The following PLEKHA7 variants were observed in gnomAD, a reference collection of about 807,000 sequenced individuals.
The protein encoded by PLEKHA7 is pleckstrin homology domain-containing family A member 7.
A neutral mutation model predicts 170.0 loss-of-function variants in PLEKHA7; 104 were observed. The observed-to-expected ratio is 0.61, with a 90% CI of 0.52 to 0.72. The LOEUF (loss-of-function observed/expected upper bound fraction) is 0.72, where lower values mean the gene tolerates loss of function less well. Among genes scored for constraint, PLEKHA7 ranks in the 30% least tolerant of loss-of-function variants. PLEKHA7 has a pLI of 0.00. For synonymous variants in PLEKHA7, 648 were observed against 660.8 expected (o/e 0.98, Z 0.30); for missense variants, 1,615 against 1,671.7 (o/e 0.97, Z 0.59).
intron 9 of PLEKHA7, among the ~76,000 whole-genome samples, chr11:16,832,190 T>C (rs1851172346): frequency 6.6e-6 from 1 of 152,212 alleles, no homozygotes; most frequent in Non-Finnish European, 1.5e-5. Context: ...ATCACAGTGC[T>C]ACTGTACCAA....
At chr11:17,004,271 C>G (rs1244881503) in intron 3 of PLEKHA7, among the ~76,000 whole-genome samples, 1 of 152,186 alleles carries the variant, frequency 6.6e-6, no homozygotes, top group Non-Finnish European at 1.5e-5. Context: ...TCTGTTCTGC[C>G]ATTAGACCTA....
chr11:16,854,672 A>G (rs1169346461), intron 6 of PLEKHA7, among the ~76,000 whole-genome samples: 1 of 152,204 alleles, frequency 6.6e-6, no homozygotes, highest in African/African-American at 2.4e-5. Flanking sequence ...AAAGTGGTCA[A>G]GTGGGTTTTG....
At chr11:16,801,206 GGAGA>G (rs1172136314) in intron 16 of PLEKHA7, 131 bp from the exon 17 acceptor site, 6 of 770,178 alleles carry the variant, frequency 7.8e-6, no homozygotes, top group African/African-American at 3.4e-5. Flanking sequence ...AGGCCTGGTG[GGAGA>G]GAGAGAGGAG....
At chr11:16,898,319 T>C (rs1176275868) in intron 3 of PLEKHA7, among the ~76,000 whole-genome samples, 2 of 152,178 alleles carry the variant, frequency 1.3e-5, no homozygotes, top group East Asian at 3.8e-4. Flanking sequence ...TTTCTTTCAG[T>C]CATAAAATTC....
At chr11:16,936,982 C>A (rs1178995051) in intron 3 of PLEKHA7, among the ~76,000 whole-genome samples, 1 of 152,222 alleles carries the variant, frequency 6.6e-6, no homozygotes, top group Non-Finnish European at 1.5e-5. Flanking sequence ...CTGTTTCCCT[C>A]CCCCTGAGCC....
intron 3 of PLEKHA7, among the ~76,000 whole-genome samples, chr11:16,943,328 G>C (rs529236992): frequency 9.2e-5 from 14 of 151,700 alleles, no homozygotes; most frequent in African/African-American, 3.4e-4. Flanking sequence ...TCTTAACCCA[G>C]ACTAGCTGAA....
At chr11:16,904,983 T>C (rs560023228) in intron 3 of PLEKHA7, among the ~76,000 whole-genome samples, 57 of 152,324 alleles carry the variant, frequency 3.7e-4, no homozygotes, top group East Asian at 9.7e-4. Context: ...CTGGACACAG[T>C]GACTCACGCC....
At chr11:16,842,092 A>G (rs930435094) in intron 8 of PLEKHA7, among the ~76,000 whole-genome samples, 2 of 152,234 alleles carry the variant, frequency 1.3e-5, no homozygotes, top group African/African-American at 4.8e-5. Flanking sequence ...GAAGCCTGTG[A>G]TTCCTGCTTT....
At chr11:16,780,755 G>C (rs186075449) in intron 26 of PLEKHA7, among the ~76,000 whole-genome samples, 15 of 152,286 alleles carry the variant, frequency 9.8e-5, no homozygotes, top group African/African-American at 3.6e-4. Flanking sequence ...TGAGGATTGA[G>C]TTCCTAAAAA....
intron 6 of PLEKHA7, among the ~76,000 whole-genome samples, chr11:16,853,675 CG>C (rs1853175673): frequency 6.6e-6 from 1 of 152,060 alleles, no homozygotes; most frequent in South Asian, 2.1e-4. Flanking sequence ...GGGATGCAAA[CG>C]GAAGAAGTCA....
intron 3 of PLEKHA7, among the ~76,000 whole-genome samples, chr11:16,891,731 A>C (rs752296009): frequency 2.2e-4 from 33 of 152,296 alleles, no homozygotes; most frequent in Non-Finnish European, 4.0e-4. Context: ...TTATGTGTTC[A>C]CTTCTAGGAA....
chr11:16,905,222 A>G (rs1233192847), intron 3 of PLEKHA7, among the ~76,000 whole-genome samples: 1 of 152,210 alleles, frequency 6.6e-6, no homozygotes, highest in Non-Finnish European at 1.5e-5. Context: ...ACTGCACTCC[A>G]ACCTGGGTGT....
intron 3 of PLEKHA7, among the ~76,000 whole-genome samples, chr11:16,946,793 C>T (rs549644190): frequency 9.0e-4 from 137 of 152,192 alleles, no homozygotes; most frequent in African/African-American, 3.2e-3. Flanking sequence ...CCAGCAACAC[C>T]CCCTCCCCCA....
intron 3 of PLEKHA7, among the ~76,000 whole-genome samples, chr11:16,938,586 T>C (rs552898116): frequency 9.9e-5 from 15 of 152,272 alleles, no homozygotes; most frequent in African/African-American, 3.6e-4. Flanking sequence ...AGGCATGATA[T>C]ATACATAAAA....
At chr11:16,820,307 A>G (rs1850106268) in intron 10 of PLEKHA7, among the ~76,000 whole-genome samples, 1 of 152,228 alleles carries the variant, frequency 6.6e-6, no homozygotes, top group South Asian at 2.1e-4. Flanking sequence ...CACCTTCCTT[A>G]TTACAAAATG....
Position 16,789,478 on chromosome 11 carries a change from A to T in PLEKHA7, c.3157-182T>A. 1.5e-6 allele frequency: 1 copy of T among 648,560 alleles called. No individual in the cohort carries two copies. Among genetic ancestry groups the T allele is most frequent in the Non-Finnish European group, 2.7e-6 (1 of 376,828 alleles). 40.2% of individuals were successfully genotyped at this position (648,560 alleles called of 1,614,324 possible). A position where few individuals can be genotyped will look rare whatever the true frequency, so the allele number is the denominator to read the frequency against. ...CAACACGATGCCCCCAACCCTCAGG[A>T]GCTTTCTGAGTAGCACCCATTCTGC... On this transcript the variant is annotated intron_variant, in intron 22 of 26. Transcript: ENST00000531066. The surrounding 1 kb of genome is among the most constrained non-coding windows in gnomAD (Gnocchi z 4.6).
intron 8 of PLEKHA7, among the ~76,000 whole-genome samples, chr11:16,848,818 G>A (rs1294092651): frequency 6.6e-6 from 1 of 152,186 alleles, no homozygotes; most frequent in African/African-American, 2.4e-5. Context: ...TCTCCGACAA[G>A]GTACCCTAGC....
intron 3 of PLEKHA7, among the ~76,000 whole-genome samples, chr11:16,944,374 C>T (rs1159181677): frequency 2.0e-5 from 3 of 150,244 alleles, no homozygotes; most frequent in East Asian, 3.9e-4. Flanking sequence ...AAGCCGGGCG[C>T]GGTGGCACAG....
At chr11:16,914,223 T>C (rs1858468589) in intron 3 of PLEKHA7, among the ~76,000 whole-genome samples, 2 of 152,218 alleles carry the variant, frequency 1.3e-5, no homozygotes, top group South Asian at 4.2e-4. Flanking sequence ...CCCCTGGACT[T>C]AGAAGTAGAC....
Sources: allele counts gnomAD v4.1 joint callset (sites outside exome capture counted in the v4.1 genomes callset), GRCh38; gene constraint gnomAD v4.1.1; non-coding constraint Gnocchi (gnomAD v3.1); transcripts MANE v1.5; gene names NCBI Gene and HGNC (gene_info 2026-07-23, HGNC 2026-07-21).